SLC7A8: variants seen among roughly 807,000 people sequenced by gnomAD.
SLC7A8 encodes large neutral amino acids transporter small subunit 2.
In SLC7A8, 30 loss-of-function variants were observed where a neutral mutation model predicts 51.2. That is an observed-to-expected ratio of 0.59 (90% CI 0.44 to 0.80). The LOEUF (loss-of-function observed/expected upper bound fraction) is 0.80. SLC7A8 is among the 30% of genes least tolerant of loss of function. SLC7A8 has a pLI of 0.00. For missense variants in SLC7A8, 612 were observed against 674.4 expected, an observed-to-expected ratio of 0.91 and a Z score of 1.03; for synonymous variants, 257 against 275.8, an observed-to-expected ratio of 0.93 and a Z score of 0.67.
chr14:23,160,962 T>TA (rs1566370077), intron 3 of SLC7A8, among the ~76,000 whole-genome samples: 1 of 111,666 alleles, frequency 9.0e-6, no homozygotes, highest in Non-Finnish European at 2.2e-5. Context: ...CTCTCTCTCT[T>TA]TTTTTTCTTT....
At chr14:23,158,582 G>C (rs1176717396) in intron 3 of SLC7A8, among the ~76,000 whole-genome samples, 1 of 152,206 alleles carries the variant, frequency 6.6e-6, no homozygotes, top group Non-Finnish European at 1.5e-5. Flanking sequence ...CTGACCTCGT[G>C]ATCCACCCGC....
chr14:23,129,512 C>T (rs1012591706), intron 9 of SLC7A8, 138 bp downstream of exon 9: 3 of 999,870 alleles, frequency 3.0e-6, no homozygotes, highest in African/African-American at 1.6e-5. Flanking sequence ...ACAAATGGCC[C>T]TTGCTTTCCA....
At chr14:23,155,905 G>A (rs1040978663) in intron 3 of SLC7A8, among the ~76,000 whole-genome samples, 3 of 152,068 alleles carry the variant, frequency 2.0e-5, no homozygotes, top group Non-Finnish European at 4.4e-5. Context: ...TATAAACCTG[G>A]ACCCAGGCTG....
chr14:23,140,885 G>C (rs1411317191), intron 4 of SLC7A8, among the ~76,000 whole-genome samples: 3 of 152,192 alleles, frequency 2.0e-5, no homozygotes, highest in African/African-American at 7.2e-5. Flanking sequence ...AAAAGGCAAA[G>C]TTATTTAAAA....
intron 3 of SLC7A8, among the ~76,000 whole-genome samples, chr14:23,144,341 A>AATTTTTTTTTTTTT (rs375223021): frequency 1.7e-5 from 2 of 114,356 alleles, no homozygotes; most frequent in Non-Finnish European, 3.7e-5. Flanking sequence ...TTTAAACACA[A>AATTTTTTTTTTTTT]TTTTTTTTTT....
chr14:23,129,333 A>G, intron 9 of SLC7A8: 1 of 237,752 alleles, frequency 4.2e-6, no homozygotes, highest in Admixed American at 5.4e-5. Context: ...ACAAGGAGGA[A>G]GTGTTGGGGA....
chr14:23,154,456 G>T (rs948033911), intron 3 of SLC7A8: 1 of 987,170 alleles, frequency 1.0e-6, no homozygotes, highest in Non-Finnish European at 1.2e-6. Context: ...GCTACGCTCG[G>T]CTCTGTGATT....
At chr14:23,140,696 GC>G in intron 4 of SLC7A8, 72 bp from the exon 5 acceptor site, 1 of 1,498,762 alleles carries the variant, frequency 6.7e-7, no homozygotes, top group South Asian at 1.2e-5. Flanking sequence ...GCCTGCCCTG[GC>G]CCACCTCTCA....
At chr14:23,137,837 G>T in intron 7 of SLC7A8, 84 bp downstream of exon 7, 1 of 1,541,960 alleles carries the variant, frequency 6.5e-7, no homozygotes, top group Non-Finnish European at 8.8e-7. Flanking sequence ...GACCCCTGCT[G>T]ACAGAGACAA....
rs770372503 is a variant in SLC7A8 at position 23,128,060 on chromosome 14, A to G, written c.1400T>C (p.Val467Ala). The G allele has an allele frequency of 8.1e-6, 13 of 1,614,192 alleles. No homozygotes were observed. The highest frequency in any genetic ancestry group is 1.0e-5 in the Non-Finnish European group (12 of 1,180,022). ...ACACTTGGGCTTGTGTTGCCAGTAA[A>G]CACCCAGGAAATAGACAGGCACTCC... ...LTGVPVYFLG[V>A]YWQHKPKCFS... is the part of the protein sequence containing the mutation. Residue 467 changes from valine (V) to alanine (A), a missense_variant, in exon 10 of 11, where the codon GTT (valine) becomes GCT (alanine). Transcript: ENST00000316902. This position sits in a 1 kb window ranked among gnomAD's most constrained non-coding sequence, Gnocchi z 4.3.
Position 23,176,716 on chromosome 14 carries a change from C to A in SLC7A8, c.151+6048G>T, listed in dbSNP as rs1388917871. Among the ~76,000 whole-genome samples the A allele has an allele frequency of 3.9e-5, 6 of 151,962 alleles. No individual in the cohort carries two copies. The East Asian group carries it at 1.2e-3, about 29-fold the overall frequency. ...CAGCACTTTGGGAGGCCAAGGCGGG[C>A]AGATCACTTGAGGTCAGGAGTTCGA... On this transcript the variant is annotated intron_variant, in intron 1 of 10. Coordinates refer to ENST00000316902, the MANE Select transcript of SLC7A8 (RefSeq NM_012244.4).
intron 3 of SLC7A8, among the ~76,000 whole-genome samples, chr14:23,151,152 G>A (rs902947211): frequency 6.6e-6 from 1 of 152,204 alleles, no homozygotes; most frequent in African/African-American, 2.4e-5. Flanking sequence ...CAGGCCCCAC[G>A]GAGACTGTCC....
intron 4 of SLC7A8, among the ~76,000 whole-genome samples, chr14:23,141,299 GAAAA>G (rs558761260): frequency 6.6e-6 from 1 of 151,826 alleles, no homozygotes; most frequent in Non-Finnish European, 1.5e-5. Context: ...AAAGAAAAAA[GAAAA>G]AAACAAACAA....
intron 1 of SLC7A8, among the ~76,000 whole-genome samples, chr14:23,174,229 A>T (rs1326210057): frequency 6.6e-6 from 1 of 152,236 alleles, no homozygotes; most frequent in Non-Finnish European, 1.5e-5. Flanking sequence ...CTCTCTGCAG[A>T]ACTGTACTCT....
intron 1 of SLC7A8, among the ~76,000 whole-genome samples, chr14:23,180,080 TA>T (rs1352136600): frequency 2.0e-5 from 3 of 151,824 alleles, no homozygotes; most frequent in Non-Finnish European, 4.4e-5. Flanking sequence ...TAATTTTTTG[TA>T]TTTTTTAGTA....
At chr14:23,156,846 A>G (rs752033047) in intron 3 of SLC7A8, among the ~76,000 whole-genome samples, 7 of 152,216 alleles carry the variant, frequency 4.6e-5, no homozygotes, top group Admixed American at 2.6e-4. Flanking sequence ...GTGGGCACAC[A>G]CACTCTCTGA....
rs543402740 is a variant in SLC7A8, at chr14:23,175,428, C to T, written c.151+7336G>A. ...TTCACCATGTTGGCCAGGCTGGTCC[C>T]GAGCTCCTGACCTCAAGTGATCCAC... On this transcript the variant is annotated intron_variant, in intron 1 of 10. Transcript: ENST00000316902. Among the ~76,000 whole-genome samples the T allele has an allele frequency of 4.6e-5, 7 of 152,216 alleles. No homozygotes were observed. The East Asian group carries it at 1.2e-3, about 25-fold the overall frequency.
At chr14:23,129,101 T>C (rs1306644273) in intron 9 of SLC7A8, among the ~76,000 whole-genome samples, 4 of 152,234 alleles carry the variant, frequency 2.6e-5, no homozygotes, top group Non-Finnish European at 5.9e-5. Flanking sequence ...CAGAGTTATA[T>C]CTTGTAGCAA....
rs2048569677 is a variant in SLC7A8 at position 23,125,717 on chromosome 14, A to T, written c.*1460T>A. ...TCCAGGCCAGGAAGGGCTCCTGTGT[A>T]TTCCAGTTTAAGCAGACAGAATTCG... On this transcript the variant is annotated 3_prime_UTR_variant, in exon 11 of 11. Transcript: ENST00000316902. 1.3e-5 allele frequency: 2 copies of T among 152,646 alleles called. No homozygotes were observed. Among genetic ancestry groups the T allele is most frequent in the Admixed American group, 1.3e-4 (2 of 15,284 alleles). The allele number at this position is 152,646 out of a possible 1,614,324, so 9.5% of individuals were successfully genotyped here.
Sources: allele counts gnomAD v4.1 joint callset (sites outside exome capture counted in the v4.1 genomes callset), GRCh38; gene constraint gnomAD v4.1.1; non-coding constraint Gnocchi (gnomAD v3.1); transcripts MANE v1.5; gene names NCBI Gene and HGNC (gene_info 2026-07-23, HGNC 2026-07-21).